The following HELZ variants were observed in gnomAD, a reference collection of about 807,000 sequenced individuals.
The protein encoded by HELZ is ATP-dependent RNA helicase with zinc finger domain.
Under a neutral mutation model 218.2 loss-of-function variants are expected in HELZ, and 23 were observed. The ratio of observed to expected loss-of-function variants is 0.11; its 90% CI spans 0.08 to 0.15. The LOEUF is 0.15. Among genes scored for constraint, HELZ ranks in the 10% least tolerant of loss-of-function variants. The pLI is 1.00. For missense variants in HELZ, 1,813 were observed against 2,353.7 expected, an observed-to-expected ratio of 0.77 and a Z score of 4.75; for synonymous variants, 814 against 829.4, an observed-to-expected ratio of 0.98 and a Z score of 0.32.
In HELZ at chr17:67,167,487, A is replaced by T. The variant is rs1443473809; in HGVS notation, c.1740T>A (p.Asn580Lys). The T allele has an allele frequency of 6.2e-7, 1 of 1,613,234 alleles. No homozygotes were observed. The highest frequency in any genetic ancestry group is 1.1e-5 in the South Asian group (1 of 91,030). ...RLSRECCEEL[N>K]LRPDCDTQVE... Reference sequence around the variant, plus strand: ...CCTGTGTGTCACAGTCAGGCCGAAGATTAAGTTCTTCACAGCATTCCCTAG... The same window carrying T: ...CCTGTGTGTCACAGTCAGGCCGAAGTTTAAGTTCTTCACAGCATTCCCTAG... Residue 580 changes from asparagine (N) to lysine (K), a missense_variant, in exon 14 of 33, where the codon AAT becomes AAA. Physicochemically the swap from Asn to Lys is moderately conservative, Grantham distance 94. Transcript: ENST00000358691.
intron 8 of HELZ, among the ~76,000 whole-genome samples, chr17:67,194,448 T>C (rs2039973540): frequency 6.6e-6 from 1 of 152,200 alleles, no homozygotes; most frequent in Admixed American, 6.5e-5. Context: ...ACATAACAAA[T>C]TCCACTACTG....
chr17:67,138,188 C>A, intron 21 of HELZ, 74 bp from the exon 22 acceptor site: 2 of 1,229,092 alleles, frequency 1.6e-6, no homozygotes, highest in Non-Finnish European at 2.2e-6. Flanking sequence ...GTAACTAAAA[C>A]TGATTTATAA....
chr17:67,201,002 C>T, intron 7 of HELZ, 127 bp downstream of exon 7: 1 of 759,642 alleles, frequency 1.3e-6, no homozygotes, highest in South Asian at 1.4e-5. Flanking sequence ...CTGGCAGTCC[C>T]ACTGCCCCAC....
chr17:67,100,788 A>G (rs914739294), intron 31 of HELZ, among the ~76,000 whole-genome samples: 1 of 152,182 alleles, frequency 6.6e-6, no homozygotes, highest in Non-Finnish European at 1.5e-5. Flanking sequence ...CATTCAAAAA[A>G]TAAGAGAGAG....
intron 13 of HELZ, among the ~76,000 whole-genome samples, chr17:67,168,783 A>T (rs2039224719): frequency 6.6e-6 from 1 of 152,126 alleles, no homozygotes; most frequent in African/African-American, 2.4e-5. Flanking sequence ...GAGAATCAAG[A>T]TTAATTTACA....
chr17:67,125,286 CTATATA>C (rs57513241), intron 24 of HELZ, among the ~76,000 whole-genome samples: 86 of 70,082 alleles, frequency 1.2e-3, no homozygotes, highest in African/African-American at 3.2e-3. Flanking sequence ...TTGGCACCAA[CTATATA>C]TATATATATA....
chr17:67,131,724 C>T (rs1433946496), intron 23 of HELZ, among the ~76,000 whole-genome samples: 1 of 152,076 alleles, frequency 6.6e-6, no homozygotes, highest in African/African-American at 2.4e-5. Flanking sequence ...GCCAGCACTA[C>T]TATTATTATT....
intron 31 of HELZ, among the ~76,000 whole-genome samples, chr17:67,092,127 G>A (rs375006369): frequency 6.6e-6 from 1 of 152,278 alleles, no homozygotes; most frequent in East Asian, 1.9e-4. Context: ...AAAAGCACTT[G>A]ATAAATTACA....
chr17:67,176,523 A>G (rs1454394217), intron 13 of HELZ: 3 of 152,350 alleles, frequency 2.0e-5, no homozygotes, highest in Non-Finnish European at 2.9e-5. Flanking sequence ...ACAAACTGCC[A>G]AACAGCTCTC....
chr17:67,223,448 T>C (rs889091102), intron 3 of HELZ, among the ~76,000 whole-genome samples: 1 of 151,528 alleles, frequency 6.6e-6, no homozygotes, highest in Non-Finnish European at 1.5e-5. Context: ...TTTCTCTTCC[T>C]GTTAAAAATT....
rs139397844 is a variant in HELZ at position 67,078,781 on chromosome 17, A to G, written c.5495-195T>C. 4.2e-3 allele frequency among the ~76,000 whole-genome samples: 633 copies of G among 152,364 alleles called. 5 individuals are homozygous for G. The highest frequency in any genetic ancestry group is 0.015 in the African/African-American group (610 of 41,582). On this transcript the variant is annotated intron_variant, in intron 32 of 32. Coordinates refer to ENST00000358691, the MANE Select transcript of HELZ (RefSeq NM_014877.4). The stretch of plus-strand genomic sequence containing the variant: ...CCAAACGTCCCTATCTTATAGACAC[A>G]TAAAACAGCCATGAGAAGTGGAATA...
rs1405572527 is a variant in HELZ, at chr17:67,127,272, G to A, written c.3387+1379C>T. Reference sequence around the variant, plus strand: ...GCTAATTTGCTACTGTGCTCCTTTAGCACCTACAATAACATCTGGCACATA... The same window carrying A: ...GCTAATTTGCTACTGTGCTCCTTTAACACCTACAATAACATCTGGCACATA... On this transcript the variant is annotated intron_variant, in intron 24 of 32. Coordinates refer to ENST00000358691, the MANE Select transcript of HELZ (RefSeq NM_014877.4). Among the ~76,000 whole-genome samples, 4 of 152,220 alleles carry A rather than the reference G, an allele frequency of 2.6e-5. No homozygotes were observed. The East Asian group carries it at 7.7e-4, about 29-fold the overall frequency.
intron 17 of HELZ, among the ~76,000 whole-genome samples, chr17:67,155,593 T>G (rs940753042): frequency 2.0e-5 from 3 of 152,132 alleles, no homozygotes; most frequent in Admixed American, 6.5e-5. Context: ...ACCATACACT[T>G]TGGGAGGCCG....
rs2143494194 is a variant in HELZ at position 67,075,977 on chromosome 17, C to A, written c.*2275G>T. 6.6e-6 allele frequency: 1 copy of A among 152,612 alleles called. No individual in the cohort carries two copies. Among genetic ancestry groups the A allele is most frequent in the Non-Finnish European group, 1.5e-5 (1 of 68,006 alleles). 9.5% of individuals were successfully genotyped at this position (152,612 alleles called of 1,614,324 possible). ...TAAGGTGATGGGGTGCATACACGAC[C>A]CCATGACCCTTAACTAAATATAAAT... On this transcript the variant is annotated 3_prime_UTR_variant, in exon 33 of 33. Transcript: ENST00000358691.
intron 31 of HELZ, among the ~76,000 whole-genome samples, chr17:67,088,919 T>A (rs1425129335): frequency 6.6e-6 from 1 of 152,202 alleles, no homozygotes; most frequent in African/African-American, 2.4e-5. Context: ...ATAAGTAACC[T>A]TTCTAAACTG....
At chr17:67,133,065 T>A (rs547847673) in intron 23 of HELZ, among the ~76,000 whole-genome samples, 2 of 152,194 alleles carry the variant, frequency 1.3e-5, no homozygotes, top group Non-Finnish European at 2.9e-5. Context: ...ATGCCCCAAC[T>A]ATCAATTCTT....
intron 22 of HELZ, among the ~76,000 whole-genome samples, chr17:67,136,994 T>C (rs1233035403): frequency 6.6e-6 from 1 of 152,170 alleles, no homozygotes; most frequent in African/African-American, 2.4e-5. Flanking sequence ...ATGATACTAT[T>C]GGAACCAACC....
At chr17:67,148,778 T>C in intron 19 of HELZ, 64 bp from the exon 20 acceptor site, 1 of 1,450,220 alleles carries the variant, frequency 6.9e-7, no homozygotes, top group East Asian at 2.3e-5. Context: ...TTTAACCTAC[T>C]TATAAAAAAT....
intron 2 of HELZ, among the ~76,000 whole-genome samples, chr17:67,243,103 C>G (rs1270145254): frequency 1.3e-5 from 2 of 152,206 alleles, no homozygotes; most frequent in African/African-American, 4.8e-5. Flanking sequence ...TTCACTAACA[C>G]TGTATCAATA....
Sources: gnomAD v4.1 joint callset for allele counts (sites outside exome capture counted in the v4.1 genomes callset) on GRCh38, gnomAD v4.1.1 for gene constraint, MANE v1.5 for transcripts, NCBI Gene and HGNC (gene_info 2026-07-23, HGNC 2026-07-21) for gene names.